MAGI1: variants seen among roughly 807,000 people sequenced by gnomAD.
MAGI1 encodes the protein membrane-associated guanylate kinase, WW and PDZ domain-containing protein 1.
MAGI1 carries 58 observed loss-of-function variants against 139.9 expected under a neutral mutation model. That is an observed-to-expected ratio of 0.41 (90% CI 0.34 to 0.52). MAGI1 has a LOEUF of 0.52. MAGI1 is among the 20% of genes least tolerant of loss of function. The probability of loss-of-function intolerance (pLI) is 0.12; values close to 1 mark genes in which losing one functional copy is unlikely to be tolerated. For missense variants in MAGI1, 1,874 were observed against 1,901.6 expected, an observed-to-expected ratio of 0.99 and a Z score of 0.27; for synonymous variants, 812 against 737.9, an observed-to-expected ratio of 1.10 and a Z score of -1.63.
rs115131469 is a variant in MAGI1 at position 65,504,580 on chromosome 3, G to A, written c.431-10949C>T. ...AGGGGTGGGAGGATAAACTAGTGGA[G>A]GAGCGAGGTGCAGCTGAATTTCCAC... On this transcript the variant is annotated intron_variant, in intron 2 of 22. Coordinates refer to ENST00000402939, the MANE Select transcript of MAGI1 (RefSeq NM_001033057.2). Among the ~76,000 whole-genome samples, 891 of 152,258 alleles carry A rather than the reference G, an allele frequency of 5.9e-3. 8 individuals carry two copies. The highest frequency in any genetic ancestry group is 0.02 in the African/African-American group (823 of 41,550).
At chr3:65,745,976 C>A (rs1230519301) in intron 1 of MAGI1, among the ~76,000 whole-genome samples, 2 of 152,154 alleles carry the variant, frequency 1.3e-5, no homozygotes, top group Non-Finnish European at 2.9e-5. Flanking sequence ...GTGATCTACC[C>A]ACCTCAGCTT....
intron 1 of MAGI1, among the ~76,000 whole-genome samples, chr3:65,933,728 T>G (rs2062912806): frequency 6.6e-6 from 1 of 152,160 alleles, no homozygotes; most frequent in African/African-American, 2.4e-5. Flanking sequence ...TTACACTAAA[T>G]ATAGTATTCG....
chr3:65,442,856 A>T lies in MAGI1; in HGVS notation c.1079-7T>A. 6.2e-7 allele frequency: 1 copy of T among 1,612,070 alleles called. No individual in the cohort carries two copies. ...TCCCAACCAGCAGGCAGTTCTGAAAAATAAAAGAACATTTAGGGCAAGAAG... is the reference window on the plus strand; with the variant it reads ...TCCCAACCAGCAGGCAGTTCTGAAATATAAAAGAACATTTAGGGCAAGAAG... On this transcript the variant is annotated splice_polypyrimidine_tract_variant and splice_region_variant and intron_variant, in intron 7 of 22. Transcript: ENST00000402939.
intron 1 of MAGI1, among the ~76,000 whole-genome samples, chr3:66,017,305 G>A (rs1285966682): frequency 1.3e-5 from 2 of 152,336 alleles, no homozygotes; most frequent in South Asian, 2.1e-4. Flanking sequence ...TGGAAAAACC[G>A]GGAAGCTCCG....
At position 65,712,273 on chromosome 3, in the gene MAGI1, C is replaced by T. The variant is rs149601251; in HGVS notation, c.314-90185G>A. Among the ~76,000 whole-genome samples the T allele has an allele frequency of 7.2e-3, 1,087 of 152,004 alleles. 16 individuals are homozygous for T. Among genetic ancestry groups the T allele is most frequent in the African/African-American group, 0.024 (1,014 of 41,450 alleles). ...CTTAGATACTCAGTCTTGGCGCCCACCCACCATGCTCTGAGGAAACTGAGC... is the reference window on the plus strand; with the variant it reads ...CTTAGATACTCAGTCTTGGCGCCCATCCACCATGCTCTGAGGAAACTGAGC... On this transcript the variant is annotated intron_variant, in intron 1 of 22. Transcript: ENST00000402939.
intron 9 of MAGI1, among the ~76,000 whole-genome samples, chr3:65,439,358 G>C (rs7637237): frequency 0.65 from 98,560 of 151,938 alleles, 32,559 homozygotes; most frequent in Middle Eastern, 0.76. Context: ...TCTGAGAATG[G>C]GAAGGGGGCA....
intron 1 of MAGI1, among the ~76,000 whole-genome samples, chr3:65,910,469 T>G (rs140744820): frequency 6.6e-6 from 1 of 152,176 alleles, no homozygotes; most frequent in East Asian, 1.9e-4. Flanking sequence ...AAACAACCAA[T>G]AAAGTACGCC....
At chr3:65,851,442 C>G (rs1355713212) in intron 1 of MAGI1, among the ~76,000 whole-genome samples, 1 of 151,854 alleles carries the variant, frequency 6.6e-6, no homozygotes, top group East Asian at 1.9e-4. Flanking sequence ...AGCTTGCAAA[C>G]TAAATAAAAA....
intron 1 of MAGI1, among the ~76,000 whole-genome samples, chr3:65,755,134 G>T (rs2107842889): frequency 6.6e-6 from 1 of 152,054 alleles, no homozygotes; most frequent in Non-Finnish European, 1.5e-5. Context: ...TTTTAGTAGA[G>T]ATAGGGTTTT....
At chr3:65,931,027 C>T (rs2106727345) in intron 1 of MAGI1, among the ~76,000 whole-genome samples, 1 of 151,242 alleles carries the variant, frequency 6.6e-6, no homozygotes, top group Admixed American at 6.6e-5. Context: ...TCTTTTACTC[C>T]ATTGCTTGCT....
At chr3:65,927,992 C>T (rs978665897) in intron 1 of MAGI1, among the ~76,000 whole-genome samples, 1 of 152,194 alleles carries the variant, frequency 6.6e-6, no homozygotes, top group South Asian at 2.1e-4. Flanking sequence ...AAAATTGCAA[C>T]CCAAGTCCCT....
At chr3:65,501,379 G>T in intron 2 of MAGI1, among the ~76,000 whole-genome samples, 1 of 137,764 alleles carries the variant, frequency 7.3e-6, no homozygotes. Context: ...GGCTGAGGCA[G>T]AGAACTGCTT....
intron 1 of MAGI1, among the ~76,000 whole-genome samples, chr3:65,758,106 C>T (rs1314385365): frequency 1.3e-5 from 2 of 152,152 alleles, no homozygotes; most frequent in South Asian, 2.1e-4. Flanking sequence ...CAACAACACT[C>T]GCTGACTTCA....
chr3:65,729,418 C>A (rs1576914920), intron 1 of MAGI1, among the ~76,000 whole-genome samples: 1 of 152,206 alleles, frequency 6.6e-6, no homozygotes, highest in African/African-American at 2.4e-5. Context: ...TATGTATGAG[C>A]ATTTTGGGTA....
intron 2 of MAGI1, among the ~76,000 whole-genome samples, chr3:65,528,907 C>G (rs908229317): frequency 9.9e-5 from 15 of 151,978 alleles, no homozygotes; most frequent in Non-Finnish European, 1.8e-4. Flanking sequence ...ATTAGCCAAG[C>G]ATTGTGGCAC....
At chr3:65,395,748 A>C (rs888932498) in intron 13 of MAGI1, among the ~76,000 whole-genome samples, 2 of 151,772 alleles carry the variant, frequency 1.3e-5, no homozygotes, top group African/African-American at 4.8e-5. Context: ...GAGGCCACAT[A>C]ACGCATGAGC....
chr3:65,959,615 T>C (rs929627866), intron 1 of MAGI1, among the ~76,000 whole-genome samples: 7 of 140,706 alleles, frequency 5.0e-5, no homozygotes, highest in African/African-American at 1.9e-4. Context: ...TTATTATTAT[T>C]ATTATTATTA....
rs563269834 is a variant in MAGI1 at position 65,613,028 on chromosome 3, C to CT, written c.430+8943dup. The stretch of plus-strand genomic sequence containing the variant: ...ATCCATATGTTATTAGGAGGAGACT[C>CT]TTTTTTAAAATTTAATATGTTAATT... On this transcript the variant is annotated intron_variant, in intron 2 of 22. Coordinates refer to ENST00000402939, the MANE Select transcript of MAGI1 (RefSeq NM_001033057.2). Among the ~76,000 whole-genome samples, 576 of 152,234 alleles carry CT rather than the reference C, an allele frequency of 3.8e-3. 7 individuals carry two copies. Among genetic ancestry groups the CT allele is most frequent in the African/African-American group, 0.013 (557 of 41,556 alleles).
intron 1 of MAGI1, among the ~76,000 whole-genome samples, chr3:66,031,557 T>C (rs1007571176): frequency 2.2e-4 from 34 of 152,266 alleles, no homozygotes; most frequent in African/African-American, 7.5e-4. Flanking sequence ...GATGGACAAG[T>C]GCGTTGTACG....
Sources: gnomAD v4.1 joint callset for allele counts (sites outside exome capture counted in the v4.1 genomes callset) on GRCh38, gnomAD v4.1.1 for gene constraint, MANE v1.5 for transcripts, NCBI Gene and HGNC (gene_info 2026-07-23, HGNC 2026-07-21) for gene names.